CTNNA3: variants seen among roughly 807,000 people sequenced by gnomAD.
CTNNA3 encodes catenin alpha-3.
A neutral mutation model predicts 95.7 loss-of-function variants in CTNNA3; 76 were observed. The ratio of observed to expected loss-of-function variants is 0.79; its 90% CI spans 0.66 to 0.96. The LOEUF is 0.96. Ranked by LOEUF, CTNNA3 falls within the 40% of genes least tolerant of loss-of-function variation. The pLI is 0.00. For missense variants in CTNNA3, 1,191 were observed against 1,089.8 expected, an observed-to-expected ratio of 1.09 and a Z score of -1.31; for synonymous variants, 431 against 374.4, an observed-to-expected ratio of 1.15 and a Z score of -1.74.
intron 5 of CTNNA3, among the ~76,000 whole-genome samples, chr10:67,436,591 T>C (rs906442750): frequency 6.6e-6 from 1 of 151,494 alleles, no homozygotes; most frequent in Non-Finnish European, 1.5e-5. Context: ...AGGACTAATA[T>C]CCAGAACCTA....
chr10:67,738,557 T>C lies in CTNNA3; in HGVS notation c.-2+24877A>G, dbSNP rs559438195. Reference sequence around the variant, plus strand: ...CTCTCCTCCTCCAAACGAACGCAGCTCCTCACCACCAACGGAACAAAGCTG... The same window carrying C: ...CTCTCCTCCTCCAAACGAACGCAGCCCCTCACCACCAACGGAACAAAGCTG... On this transcript the variant is annotated intron_variant, in intron 1 of 17. Transcript: ENST00000684154. 2.7e-4 allele frequency among the ~76,000 whole-genome samples: 41 copies of C among 152,048 alleles called. 1 individual carries two copies. In the South Asian group the frequency reaches 8.5e-3, roughly 32 times the overall value.
chr10:66,083,014 C>T (rs1564625953), intron 14 of CTNNA3, among the ~76,000 whole-genome samples: 1 of 144,340 alleles, frequency 6.9e-6, no homozygotes, highest in Non-Finnish European at 1.5e-5. Context: ...AGTCCCTTCC[C>T]TAAAGGAAAG....
At chr10:67,209,826 G>A (rs977357257) in intron 6 of CTNNA3, among the ~76,000 whole-genome samples, 5 of 149,654 alleles carry the variant, frequency 3.3e-5, no homozygotes. Flanking sequence ...TTAAAATACA[G>A]ATAAAAGTAC....
intron 9 of CTNNA3, among the ~76,000 whole-genome samples, chr10:66,717,888 T>C (rs1368282417): frequency 6.6e-6 from 1 of 152,226 alleles, no homozygotes; most frequent in South Asian, 2.1e-4. Flanking sequence ...CTTCTACCTC[T>C]GCCCTTATGA....
intron 5 of CTNNA3, among the ~76,000 whole-genome samples, chr10:67,474,078 A>G (rs935657325): frequency 7.2e-5 from 11 of 152,156 alleles, no homozygotes; most frequent in African/African-American, 2.7e-4. Flanking sequence ...GAATATAGCA[A>G]TCTGTAACCA....
At chr10:66,323,721 AC>A (rs1266046549) in intron 12 of CTNNA3, among the ~76,000 whole-genome samples, 1 of 151,330 alleles carries the variant, frequency 6.6e-6, no homozygotes, top group Non-Finnish European at 1.5e-5. Flanking sequence ...AAGCCTGGAC[AC>A]CCGTGGCCCT....
At chr10:67,272,283 T>A (rs1839011571) in intron 5 of CTNNA3, among the ~76,000 whole-genome samples, 1 of 152,056 alleles carries the variant, frequency 6.6e-6, no homozygotes, top group African/African-American at 2.4e-5. Flanking sequence ...TGGGCACGGT[T>A]GTTCATGCTT....
rs1244422390 is a variant in CTNNA3, at chr10:66,589,551, C to A, written c.1374+32141G>T. 2.0e-5 allele frequency among the ~76,000 whole-genome samples: 3 copies of A among 152,096 alleles called. No homozygotes were observed. In the East Asian group the frequency reaches 5.8e-4, roughly 29 times the overall value. The stretch of plus-strand genomic sequence containing the variant: ...GCATCAACATCAAGGAGCTTCCCCT[C>A]CCTTGGGTTAGAAAACCAGTGCACA... On this transcript the variant is annotated intron_variant, in intron 10 of 17. Transcript: ENST00000433211.
At chr10:66,567,430 G>A (rs534237697) in intron 10 of CTNNA3, among the ~76,000 whole-genome samples, 2 of 151,990 alleles carry the variant, frequency 1.3e-5, no homozygotes, top group South Asian at 4.2e-4. Flanking sequence ...ACCAGCCTGG[G>A]CAACATAGTG....
At chr10:67,342,262 C>CT (rs1842234876) in intron 5 of CTNNA3, among the ~76,000 whole-genome samples, 1 of 151,684 alleles carries the variant, frequency 6.6e-6, no homozygotes, top group East Asian at 1.9e-4. Context: ...CCACCATGCC[C>CT]GGCTAATTTT....
At chr10:67,028,581 G>A (rs1034586392) in intron 7 of CTNNA3, among the ~76,000 whole-genome samples, 20 of 150,646 alleles carry the variant, frequency 1.3e-4, no homozygotes. Context: ...CAAACAGCAT[G>A]TGCAATGAGA....
At chr10:66,590,080 G>C (rs1589460074) in intron 10 of CTNNA3, among the ~76,000 whole-genome samples, 1 of 152,046 alleles carries the variant, frequency 6.6e-6, no homozygotes, top group Non-Finnish European at 1.5e-5. Flanking sequence ...TAATTCAATG[G>C]TATTGTTTCA....
chr10:66,831,347 C>G (rs1031658292), intron 7 of CTNNA3, among the ~76,000 whole-genome samples: 3 of 152,176 alleles, frequency 2.0e-5, no homozygotes, highest in Non-Finnish European at 4.4e-5. Context: ...TTCACTCGTT[C>G]TGACTTTTCA....
intron 7 of CTNNA3, among the ~76,000 whole-genome samples, chr10:66,812,356 G>C (rs1480778412): frequency 6.6e-6 from 1 of 151,974 alleles, no homozygotes; most frequent in Non-Finnish European, 1.5e-5. Context: ...ATAGAAATCT[G>C]GTATTTTGTT....
At chr10:67,554,815 A>G (rs952944320) in intron 3 of CTNNA3, among the ~76,000 whole-genome samples, 1 of 152,200 alleles carries the variant, frequency 6.6e-6, no homozygotes, top group African/African-American at 2.4e-5. Context: ...TGTTTTAGAC[A>G]TGAAGTCCTT....
Position 67,673,382 on chromosome 10 carries a change from A to T in CTNNA3, c.-6+22618T>A, listed in dbSNP as rs1475998960. Among the ~76,000 whole-genome samples, 164 of 149,818 alleles carry T rather than the reference A, an allele frequency of 1.1e-3. 1 individual carries two copies. Among genetic ancestry groups the T allele is most frequent in the Middle Eastern group, 3.5e-3 (1 of 282 alleles). On this transcript the variant is annotated intron_variant, in intron 1 of 17. Transcript: ENST00000433211. ...TCTCCTGCCTAATTGCCCTGGCCAG[A>T]ACTTCCAACACTATGTTGAATAGGA...
intron 15 of CTNNA3, among the ~76,000 whole-genome samples, chr10:66,027,043 A>T (rs562539208): frequency 6.6e-6 from 1 of 152,124 alleles, no homozygotes; most frequent in African/African-American, 2.4e-5. Flanking sequence ...AAGTCTAGGG[A>T]TTTAAAAAAT....
chr10:66,876,610 T>G (rs916047097), intron 7 of CTNNA3, among the ~76,000 whole-genome samples: 1 of 152,166 alleles, frequency 6.6e-6, no homozygotes, highest in African/African-American at 2.4e-5. Flanking sequence ...TCAACTCACC[T>G]GCAGCCATGA....
chr10:66,968,659 A>G (rs1849563149), intron 7 of CTNNA3, among the ~76,000 whole-genome samples: 1 of 152,154 alleles, frequency 6.6e-6, no homozygotes, highest in South Asian at 2.1e-4. Flanking sequence ...ATAAGTGGCT[A>G]TGAAACTGGG....
Sources: gnomAD v4.1 joint callset for allele counts (sites outside exome capture counted in the v4.1 genomes callset) on GRCh38, gnomAD v4.1.1 for gene constraint, MANE v1.5 for transcripts, NCBI Gene and HGNC (gene_info 2026-07-23, HGNC 2026-07-21) for gene names.